ALAS1: variants seen among roughly 807,000 people sequenced by gnomAD.
ALAS1 encodes the protein 5-aminolevulinate synthase, non-specific, mitochondrial.
A neutral mutation model predicts 59.6 loss-of-function variants in ALAS1; 29 were observed. That is an observed-to-expected ratio of 0.49 (90% confidence interval 0.36 to 0.66). ALAS1 has a LOEUF of 0.66. ALAS1 is among the 30% of genes least tolerant of loss of function. ALAS1 has a pLI of 0.00. For synonymous variants in ALAS1, 299 were observed against 296.6 expected (o/e 1.01, Z -0.08); for missense variants, 690 against 807.5 (o/e 0.85, Z 1.76).
In ALAS1 at chr3:52,214,089, T is replaced by C; in HGVS notation, c.1832T>C (p.Phe611Ser). Residue 611 changes from phenylalanine (F) to serine (S), a missense_variant, in exon 12 of 12, where the codon TTC becomes TCC. Coordinates refer to ENST00000484952, the MANE Select transcript of ALAS1 (RefSeq NM_000688.6). ...CCTCATTCCTCAGCTGAGTGCAACTTCTGCAGGAGGCCACTGCATTTTGAA... is the reference window on the plus strand; with the variant it reads ...CCTCATTCCTCAGCTGAGTGCAACTCCTGCAGGAGGCCACTGCATTTTGAA... ...LKPHSSAECN[F>S]CRRPLHFEVM... 6.2e-7 allele frequency: 1 copy of C among 1,613,968 alleles called. No individual in the cohort carries two copies. Among genetic ancestry groups the C allele is most frequent in the Non-Finnish European group, 8.5e-7 (1 of 1,179,828 alleles).
intron 9 of ALAS1, among the ~76,000 whole-genome samples, chr3:52,210,526 C>T (rs998016038): frequency 9.9e-5 from 15 of 152,248 alleles, no homozygotes; most frequent in African/African-American, 3.6e-4. Flanking sequence ...TGAATCCCAG[C>T]ACTTTGGGAG....
At position 52,204,904 on chromosome 3, in the gene ALAS1, TG is replaced by T; in HGVS notation, c.793del (p.Ala265GlnfsTer6). ...GAATGAGTCGCCACCCACGGGTGTG[TG>T]GGGCAGTTATGTAAGTAGCCCTTGG... ...LGMSRHPRVC[G>X]AVMDTLKQHG... On this transcript the variant is annotated frameshift_variant, in exon 6 of 12. Transcript: ENST00000484952. LOFTEE classifies it high-confidence loss of function. 6.2e-7 allele frequency: 1 copy of T among 1,613,886 alleles called. No individual in the cohort carries two copies. The highest frequency in any genetic ancestry group is 8.5e-7 in the Non-Finnish European group (1 of 1,179,844).
In ALAS1 at chr3:52,205,955, C is replaced by T; in HGVS notation, c.917C>T (p.Ala306Val). ...GCAGACCTCCATGGGAAAGATGCCG[C>T]ACTCTTGTTTTCCTCGTGCTTTGTG... ...ELADLHGKDAALLFSSCFVAN... is the reference protein window; with the variant it reads ...ELADLHGKDAVLLFSSCFVAN... The change falls in exon 7 of 12, where the codon GCA becomes GTA. Residue 306 changes from alanine to valine, a missense_variant. Ala to Val is a moderately conservative substitution (Grantham distance 64). Coordinates refer to ENST00000484952, the MANE Select transcript of ALAS1 (RefSeq NM_000688.6). The T allele has an allele frequency of 6.2e-7, 1 of 1,614,180 alleles. No individual in the cohort carries two copies. The highest frequency in any genetic ancestry group is 8.5e-7 in the Non-Finnish European group (1 of 1,180,040).
chr3:52,213,947 T>C, intron 11 of ALAS1, 73 bp from the exon 12 acceptor site: 1 of 1,379,324 alleles, frequency 7.2e-7, no homozygotes, highest in Non-Finnish European at 1.0e-6. Context: ...GTACAAGTTT[T>C]TGTGTGGACA....
chr3:52,208,635 C>T lies in ALAS1; in HGVS notation c.1330+388C>T, dbSNP rs141182569. On this transcript the variant is annotated intron_variant, in intron 9 of 11. Transcript: ENST00000484952. Reference sequence around the variant, plus strand: ...TCAGGTGTTGTGAAGTGCTGAACTCCGTGCCTGCCACGTGGGAACATTCTA... The same window carrying T: ...TCAGGTGTTGTGAAGTGCTGAACTCTGTGCCTGCCACGTGGGAACATTCTA... Among the ~76,000 whole-genome samples the T allele has an allele frequency of 3.8e-3, 581 of 152,290 alleles. 4 individuals are homozygous for T. The highest frequency in any genetic ancestry group is 0.027 in the South Asian group (129 of 4,822).
At chr3:52,204,547 A>G in intron 5 of ALAS1, 146 bp from the exon 6 acceptor site, 1 of 675,044 alleles carries the variant, frequency 1.5e-6, no homozygotes, top group Non-Finnish European at 2.5e-6. Flanking sequence ...AACACGACAT[A>G]CAGTCTTATT....
At chr3:52,209,609 G>T (rs1187666318) in intron 9 of ALAS1, among the ~76,000 whole-genome samples, 1 of 152,208 alleles carries the variant, frequency 6.6e-6, no homozygotes, top group East Asian at 1.9e-4. Flanking sequence ...TACCATAGGA[G>T]ATTGAACCAA....
chr3:52,206,824 T>A (rs1269177633), intron 8 of ALAS1, 73 bp downstream of exon 8: 1 of 1,509,802 alleles, frequency 6.6e-7, no homozygotes, highest in Non-Finnish European at 9.0e-7. Context: ...AGTATGGTGT[T>A]TTGTTGTGTT....
intron 3 of ALAS1, among the ~76,000 whole-genome samples, chr3:52,200,600 G>A (rs1253098180): frequency 6.6e-6 from 1 of 152,210 alleles, no homozygotes; most frequent in Non-Finnish European, 1.5e-5. Context: ...GCTGGATGTG[G>A]TGGTGTACGC....
chr3:52,202,813 G>A (rs1206015755), intron 4 of ALAS1, 79 bp downstream of exon 4: 7 of 1,337,516 alleles, frequency 5.2e-6, no homozygotes, highest in Non-Finnish European at 7.4e-6. Context: ...TTGTGTATGA[G>A]CTATTATTAG....
At chr3:52,210,326 G>A (rs950115000) in intron 9 of ALAS1, among the ~76,000 whole-genome samples, 5 of 152,138 alleles carry the variant, frequency 3.3e-5, no homozygotes, top group African/African-American at 1.2e-4. Flanking sequence ...TGGTGGGAAG[G>A]GAGGCAGCAG....
At chr3:52,210,681 A>G (rs993011762) in intron 9 of ALAS1, among the ~76,000 whole-genome samples, 1 of 152,102 alleles carries the variant, frequency 6.6e-6, no homozygotes, top group African/African-American at 2.4e-5. Context: ...TGGGAGGCTG[A>G]GGCGGAAGGA....
At chr3:52,205,790 T>C (rs1402224460) in intron 6 of ALAS1, 49 bp from the exon 7 acceptor site, 5 of 1,547,210 alleles carry the variant, frequency 3.2e-6, no homozygotes, top group Non-Finnish European at 4.4e-6. Flanking sequence ...TCACATGGTG[T>C]TGAGAACCAT....
intron 11 of ALAS1, 29 bp from the exon 12 acceptor site, chr3:52,213,991 T>G (rs374072823): frequency 1.0e-4 from 164 of 1,586,512 alleles, no homozygotes; most frequent in Admixed American, 3.2e-4. Context: ...TATTACTCCC[T>G]TTAATATTTA....
At chr3:52,199,493 A>G (rs1461310790) in intron 3 of ALAS1, 53 bp downstream of exon 3, 1 of 1,550,206 alleles carries the variant, frequency 6.5e-7, no homozygotes, top group East Asian at 2.3e-5. Context: ...GCTCATTGGT[A>G]GACTAGAAGC....
At position 52,199,356 on chromosome 3, in the gene ALAS1, G is replaced by A. The variant is rs1385341468; in HGVS notation, c.115G>A (p.Val39Ile). The change falls in exon 3 of 12, where the codon GTT (valine) becomes ATT (isoleucine). Residue 39 changes from valine to isoleucine, a missense_variant. By Grantham distance (29) the Val-to-Ile change is conservative. Transcript: ENST00000484952. ...CCAAAACTGCCCCAAGATGATGGAAGTTGGGGCCAAGCCAGCCCCTCGGGC... is the reference window on the plus strand; with the variant it reads ...CCAAAACTGCCCCAAGATGATGGAAATTGGGGCCAAGCCAGCCCCTCGGGC... ...YAQNCPKMMEVGAKPAPRALS... is the reference protein window; with the variant it reads ...YAQNCPKMMEIGAKPAPRALS... The A allele has an allele frequency of 2.5e-6, 4 of 1,614,224 alleles. No individual in the cohort carries two copies. In the African/African-American group the frequency reaches 5.3e-5, roughly 22 times the overall value.
intron 8 of ALAS1, 110 bp downstream of exon 8, chr3:52,206,861 T>A: frequency 8.3e-7 from 1 of 1,202,664 alleles, no homozygotes; most frequent in East Asian, 2.4e-5. Context: ...TTGTGACCGA[T>A]CCTCGCTCTG....
intron 4 of ALAS1, 64 bp downstream of exon 4, chr3:52,202,798 C>A: frequency 6.7e-7 from 1 of 1,484,988 alleles, no homozygotes; most frequent in Non-Finnish European, 9.3e-7. Flanking sequence ...TTTGGGCCCT[C>A]AGATTTGTGT....
intron 9 of ALAS1, 137 bp from the exon 10 acceptor site, chr3:52,211,146 A>T: frequency 1.1e-6 from 1 of 885,692 alleles, no homozygotes; most frequent in Non-Finnish European, 1.7e-6. Flanking sequence ...GTGGTGCATG[A>T]CTACTCCAAT....
Sources: allele counts gnomAD v4.1 joint callset (sites outside exome capture counted in the v4.1 genomes callset), GRCh38; gene constraint gnomAD v4.1.1; transcripts MANE v1.5; gene names NCBI Gene and HGNC (gene_info 2026-07-23, HGNC 2026-07-21).